Variants in STPG2 observed in about 807,000 individuals in gnomAD.
STPG2 encodes sperm-tail PG-rich repeat-containing protein 2.
Under a neutral mutation model 54.2 loss-of-function variants are expected in STPG2, and 56 were observed. The ratio of observed to expected loss-of-function variants is 1.03; its 90% CI spans 0.83 to 1.29. The LOEUF (loss-of-function observed/expected upper bound fraction) is 1.29. STPG2 is among the 50% of genes most tolerant of loss of function. STPG2 has a pLI of 0.00. For missense variants in STPG2, 596 were observed against 544.9 expected, an observed-to-expected ratio of 1.09 and a Z score of -0.93; for synonymous variants, 200 against 181.8, an observed-to-expected ratio of 1.10 and a Z score of -0.81.
At chr4:97,640,065 A>T (rs549880503) in intron 10 of STPG2, among the ~76,000 whole-genome samples, 9 of 152,204 alleles carry the variant, frequency 5.9e-5, no homozygotes, top group African/African-American at 2.2e-4. Flanking sequence ...TTTAGGGTTT[A>T]CTATGGGCTT....
At chr4:97,556,192 A>C (rs951755553), downstream of STPG2, among the ~76,000 whole-genome samples, 15 of 152,138 alleles carry the variant, frequency 9.9e-5, no homozygotes, top group African/African-American at 2.9e-4. Context: ...TTGTTGCATA[A>C]ATATTAGACA....
rs183825061 is a variant in STPG2, at chr4:97,740,165, G to C, written c.1205-27351C>G. On this transcript the variant is annotated intron_variant, in intron 9 of 10. Transcript: ENST00000295268. Reference sequence around the variant, plus strand: ...AAGGCCTTTCACAAAATTCAACAACGCTTCATGCTAAAAACTCTCAATAAA... The same window carrying C: ...AAGGCCTTTCACAAAATTCAACAACCCTTCATGCTAAAAACTCTCAATAAA... Among the ~76,000 whole-genome samples the C allele has an allele frequency of 3.0e-3, 461 of 152,066 alleles. 1 individual carries two copies. Among genetic ancestry groups the C allele is most frequent in the Non-Finnish European group, 5.0e-3 (340 of 67,962 alleles).
chr4:97,637,235 C>A (rs1219466146), intron 10 of STPG2, among the ~76,000 whole-genome samples: 2 of 151,528 alleles, frequency 1.3e-5, no homozygotes, highest in Non-Finnish European at 2.9e-5. Flanking sequence ...GAGCCAAAGA[C>A]AAAAACCACA....
At chr4:97,455,477 C>T (rs566274573) in intron 4 of STPG2, among the ~76,000 whole-genome samples, 1 of 152,214 alleles carries the variant, frequency 6.6e-6, no homozygotes, top group South Asian at 2.1e-4. Context: ...CAGATGTTGG[C>T]AGGCCATCAA....
intron 10 of STPG2, among the ~76,000 whole-genome samples, chr4:97,619,550 G>A (rs560024884): frequency 6.7e-6 from 1 of 150,096 alleles, no homozygotes; most frequent in African/African-American, 2.5e-5. Flanking sequence ...TCACCTCTGG[G>A]CACCTCTAGG....
chr4:98,110,978 G>T (rs3857216), intron 3 of STPG2, among the ~76,000 whole-genome samples: 60,069 of 151,892 alleles, frequency 0.4, 12,115 homozygotes, highest in Middle Eastern at 0.46. Context: ...AATTTTAAAA[G>T]AAGTATATCA....
At chr4:97,904,702 A>G (rs1240344177) in intron 8 of STPG2, among the ~76,000 whole-genome samples, 2 of 152,200 alleles carry the variant, frequency 1.3e-5, no homozygotes, top group Non-Finnish European at 2.9e-5. Flanking sequence ...GAAGTTGAAA[A>G]CTTTGAAAAA....
At chr4:98,112,097 A>G (rs1739380046) in intron 3 of STPG2, among the ~76,000 whole-genome samples, 1 of 152,044 alleles carries the variant, frequency 6.6e-6, no homozygotes, top group African/African-American at 2.4e-5. Flanking sequence ...CTCCATAATC[A>G]CATGAGCCAA....
chr4:97,896,914 C>A (rs1369632585), intron 8 of STPG2, among the ~76,000 whole-genome samples: 1 of 151,650 alleles, frequency 6.6e-6, no homozygotes, highest in Non-Finnish European at 1.5e-5. Context: ...CTTTATTTAA[C>A]TTTTATTTTA....
chr4:97,652,762 G>C (rs1363001142), intron 10 of STPG2, among the ~76,000 whole-genome samples: 1 of 151,894 alleles, frequency 6.6e-6, no homozygotes, highest in Admixed American at 6.6e-5. Flanking sequence ...AGTTTCATAA[G>C]AACATGAAAA....
chr4:97,811,216 T>C lies in STPG2; in HGVS notation c.1204+29557A>G, dbSNP rs1028985869. Among the ~76,000 whole-genome samples the C allele has an allele frequency of 1.2e-4, 19 of 152,074 alleles. No homozygotes were observed. In the South Asian group the frequency reaches 2.1e-3, roughly 17 times the overall value. On this transcript the variant is annotated intron_variant, in intron 9 of 10. Coordinates refer to ENST00000295268, the MANE Select transcript of STPG2 (RefSeq NM_174952.3). ...TTTACTTAAAAAAAAAAAAATCCGTTGGAGACAAATACTGAAAATGCAAAC... is the reference window on the plus strand; with the variant it reads ...TTTACTTAAAAAAAAAAAAATCCGTCGGAGACAAATACTGAAAATGCAAAC...
intron 7 of STPG2, among the ~76,000 whole-genome samples, chr4:97,957,076 T>C (rs115961644): frequency 1.3e-5 from 2 of 151,298 alleles, no homozygotes; most frequent in African/African-American, 2.4e-5. Context: ...AATAAATATA[T>C]ATATATGTGA....
At chr4:97,650,979 C>T (rs1194173660) in intron 10 of STPG2, among the ~76,000 whole-genome samples, 1 of 151,826 alleles carries the variant, frequency 6.6e-6, no homozygotes, top group Non-Finnish European at 1.5e-5. Context: ...GCATGGCTCC[C>T]CAGGCCCCTT....
intron 10 of STPG2, among the ~76,000 whole-genome samples, chr4:97,621,446 A>T (rs185104938): frequency 6.6e-6 from 1 of 152,126 alleles, no homozygotes; most frequent in African/African-American, 2.4e-5. Flanking sequence ...GACAAAGGAG[A>T]TGTTATCACT....
chr4:97,782,165 T>C (rs1726651117), intron 9 of STPG2, among the ~76,000 whole-genome samples: 1 of 152,206 alleles, frequency 6.6e-6, no homozygotes, highest in African/African-American at 2.4e-5. Context: ...GATGACATGA[T>C]TGTATATTTA....
chr4:97,560,569 T>A (rs1304899283), intron 10 of STPG2, among the ~76,000 whole-genome samples: 1 of 152,154 alleles, frequency 6.6e-6, no homozygotes, highest in Non-Finnish European at 1.5e-5. Context: ...TTGAAGGAGA[T>A]GAGTGTCCAC....
chr4:97,603,896 CTGGAGATTGGT>C (rs1733527169), intron 10 of STPG2, among the ~76,000 whole-genome samples: 1 of 151,456 alleles, frequency 6.6e-6, no homozygotes, highest in African/African-American at 2.4e-5. Flanking sequence ...GAAAAGAGTT[CTGGAGATTGGT>C]TGCACAAAAA....
At position 97,558,941 on chromosome 4, in the gene STPG2, A is replaced by G. The variant is rs1732148687; in HGVS notation, c.*117T>C. ...TCACTAAAGCCTGAGCGAATGCCTG[A>G]ACAAGTGAAAATTATGCTTTTATTA... On this transcript the variant is annotated 3_prime_UTR_variant, in exon 11 of 11. Transcript: ENST00000295268. The G allele has an allele frequency of 1.2e-6, 1 of 845,264 alleles. No homozygotes were observed. Among genetic ancestry groups the G allele is most frequent in the South Asian group, 1.6e-5 (1 of 63,882 alleles). The allele number at this position is 845,264 out of a possible 1,614,324, so 52.4% of individuals were successfully genotyped here.
chr4:97,555,610 AATT>A (rs1732060833), downstream of STPG2, among the ~76,000 whole-genome samples: 1 of 152,168 alleles, frequency 6.6e-6, no homozygotes. Context: ...AACTCAGAAC[AATT>A]ATTTATGGTT....
Sources: gnomAD v4.1 joint callset for allele counts (sites outside exome capture counted in the v4.1 genomes callset) on GRCh38, gnomAD v4.1.1 for gene constraint, MANE v1.5 for transcripts, NCBI Gene and HGNC (gene_info 2026-07-23, HGNC 2026-07-21) for gene names.